ARSF: variants seen among roughly 807,000 people sequenced by gnomAD.
The protein encoded by ARSF is arylsulfatase F.
In ARSF, 33 loss-of-function variants were observed where a neutral mutation model predicts 35.4. The observed-to-expected ratio is 0.93, with a 90% CI of 0.71 to 1.25. The LOEUF (loss-of-function observed/expected upper bound fraction) is 1.25, where lower values mean the gene tolerates loss of function less well. ARSF is among the 50% of genes most tolerant of loss of function. The pLI is 0.00. For synonymous variants in ARSF, 222 were observed against 193.1 expected, an observed-to-expected ratio of 1.15 and a Z score of -1.24; for missense variants, 501 against 480.2, an observed-to-expected ratio of 1.04 and a Z score of -0.40.
At position 3,084,345 on chromosome X, in the gene ARSF, T is replaced by C. The variant is rs1166570297; in HGVS notation, c.509T>C (p.Val170Ala). ...TACTATGGCATGCCGTTCACTCTCG[T>C]TGACAGCTGCTGGCCGGACCCCTCT... ...DYYYGMPFTL[V>A]DSCWPDPSRN... Residue 170 changes from valine (V) to alanine (A), a missense_variant, in exon 6 of 11, where the codon GTT becomes GCT. By Grantham distance (64) the Val-to-Ala change is moderately conservative. Transcript: ENST00000381127. The C allele has an allele frequency of 1.7e-6, 2 of 1,210,035 alleles. No homozygotes were observed. The highest frequency in any genetic ancestry group is 5.9e-5 in the East Asian group (2 of 33,770).
intron 3 of ARSF, among the ~76,000 whole-genome samples, chrX:3,075,254 T>C (rs1462756608): frequency 2.7e-5 from 3 of 111,759 alleles, no homozygotes; most frequent in Non-Finnish European, 5.6e-5. Flanking sequence ...ATATGAACCC[T>C]GCAGAACAAC....
intron 3 of ARSF, among the ~76,000 whole-genome samples, chrX:3,075,769 C>T (rs1603464465): frequency 9.2e-6 from 1 of 109,000 alleles, no homozygotes; most frequent in African/African-American, 3.3e-5. Flanking sequence ...CTGTCTCTCT[C>T]TTTGTCTATC....
At chrX:3,066,557 C>T (rs1253309299) in intron 1 of ARSF, among the ~76,000 whole-genome samples, 2 of 111,975 alleles carry the variant, frequency 1.8e-5, no homozygotes, top group East Asian at 5.6e-4. Flanking sequence ...CTTTGGTGGT[C>T]GTCCCAGATA....
At chrX:3,098,014 A>G (rs774311622) in intron 7 of ARSF, among the ~76,000 whole-genome samples, 1 of 97,873 alleles carries the variant, frequency 1.0e-5, no homozygotes, top group East Asian at 3.4e-4. Flanking sequence ...CTCCATCTCA[A>G]AATAAAATAT....
At chrX:3,066,679 G>A (rs1417830571) in intron 1 of ARSF, among the ~76,000 whole-genome samples, 1 of 111,461 alleles carries the variant, frequency 9.0e-6, no homozygotes, top group Non-Finnish European at 1.9e-5. Flanking sequence ...AGTTGCAAAT[G>A]CGGGCTGCAG....
chrX:3,088,895 T>A (rs1361689678), intron 6 of ARSF, among the ~76,000 whole-genome samples: 1 of 110,795 alleles, frequency 9.0e-6, no homozygotes. Flanking sequence ...CTGGGCTGGA[T>A]TTTTTAGGGG....
chrX:3,059,606 C>A (rs2090033392), intron 1 of ARSF, among the ~76,000 whole-genome samples: 1 of 112,463 alleles, frequency 8.9e-6, no homozygotes, highest in African/African-American at 3.2e-5. Flanking sequence ...TTCCAATGGT[C>A]TTAGCAAAGA....
chrX:3,072,505 C>T (rs771410026), intron 3 of ARSF, among the ~76,000 whole-genome samples: 37 of 110,921 alleles, frequency 3.3e-4, no homozygotes, highest in African/African-American at 1.2e-3. Context: ...TAGCATTAAC[C>T]AGGATGGTCA....
intron 7 of ARSF, among the ~76,000 whole-genome samples, chrX:3,096,536 T>C (rs1360752893): frequency 9.0e-6 from 1 of 111,623 alleles, no homozygotes; most frequent in East Asian, 2.8e-4. Context: ...AATAAACTGA[T>C]AGGAAATAAA....
At chrX:3,103,050 T>C (rs1484707098) in intron 8 of ARSF, among the ~76,000 whole-genome samples, 1 of 110,325 alleles carries the variant, frequency 9.1e-6, no homozygotes, top group African/African-American at 3.3e-5. Context: ...GGTGTATGCC[T>C]GTCATCTTGG....
At chrX:3,081,129 C>T (rs760165543) in intron 5 of ARSF, 116 bp downstream of exon 5, 136 of 968,373 alleles carry the variant, frequency 1.4e-4, no homozygotes, top group Middle Eastern at 3.5e-4. Context: ...TATGTAAAGG[C>T]GCAGTGGCCC....
chrX:3,050,164 G>A, intron 1 of ARSF, among the ~76,000 whole-genome samples: 1 of 112,010 alleles, frequency 8.9e-6, no homozygotes, highest in Non-Finnish European at 1.9e-5. Flanking sequence ...CAAAGGTTGG[G>A]TGGGCCACAG....
chrX:3,065,637 A>G (rs1403596202), intron 1 of ARSF, among the ~76,000 whole-genome samples: 1 of 82,078 alleles, frequency 1.2e-5, no homozygotes, highest in Admixed American at 1.2e-4. Flanking sequence ...ACTCTGTCTC[A>G]AAAAAAAAAA....
rs746109561 is a variant in ARSF, at chrX:3,084,587, C to T, written c.751C>T (p.His251Tyr). The change falls in exon 6 of 11, where the codon CAC (histidine) becomes TAC (tyrosine). Residue 251 changes from histidine (H) to tyrosine (Y), a missense_variant. Physicochemically the swap from His to Tyr is moderately conservative, Grantham distance 83. Transcript: ENST00000381127. ...CTGGGACTGCCTCCTCATGCGGGGG[C>T]ACGAGATCACGGAGCAGCCCATGAA... ...LYWDCLLMRG[H>Y]EITEQPMKAE... The T allele has an allele frequency of 8.3e-7, 1 of 1,210,270 alleles. No homozygotes were observed. The highest frequency in any genetic ancestry group is 3.0e-5 in the East Asian group (1 of 33,810).
rs770237185 is a variant in ARSF at position 3,109,739 on chromosome X, G to A, written c.1266-389G>A. Among the ~76,000 whole-genome samples, 14 of 112,077 alleles carry A rather than the reference G, an allele frequency of 1.2e-4. No individual in the cohort carries two copies. In the South Asian group the frequency reaches 5.3e-3, roughly 42 times the overall value. ...TTACTCCATTTCTCATATAAAATTA[G>A]AAGTATATGACTTTTTAGTGATTAC... On this transcript the variant is annotated intron_variant, in intron 9 of 10. Transcript: ENST00000381127.
At chrX:3,094,235 G>C (rs757987360) in intron 7 of ARSF, among the ~76,000 whole-genome samples, 3 of 111,786 alleles carry the variant, frequency 2.7e-5, no homozygotes, top group East Asian at 5.6e-4. Flanking sequence ...GCTGCTCCTG[G>C]AGATAAGCCA....
intron 1 of ARSF, among the ~76,000 whole-genome samples, chrX:3,050,478 AGAGGTTGCAGT>A (rs1247936719): frequency 9.2e-6 from 1 of 108,111 alleles, no homozygotes; most frequent in Non-Finnish European, 1.9e-5. Flanking sequence ...CCCAGGAGGC[AGAGGTTGCAGT>A]GAGCAGAGAT....
chrX:3,067,989 G>T, intron 1 of ARSF, 84 bp from the exon 2 acceptor site: 1 of 688,608 alleles, frequency 1.5e-6, no homozygotes, highest in Non-Finnish European at 2.1e-6. Flanking sequence ...ATTTCATGCT[G>T]GGAACTAATT....
At chrX:3,073,998 G>A (rs4549969) in intron 3 of ARSF, among the ~76,000 whole-genome samples, 5,596 of 109,721 alleles carry the variant, frequency 0.051, 336 homozygotes, top group African/African-American at 0.17. Flanking sequence ...GTTATCAGAC[G>A]TACATCATAC....
Sources: allele counts gnomAD v4.1 joint callset (sites outside exome capture counted in the v4.1 genomes callset), GRCh38; gene constraint gnomAD v4.1.1; transcripts MANE v1.5; gene names NCBI Gene and HGNC (gene_info 2026-07-23, HGNC 2026-07-21).